ZNF423: variants seen among roughly 807,000 people sequenced by gnomAD.
ZNF423 encodes the protein zinc finger protein 423.
In ZNF423, 12 loss-of-function variants were observed where a neutral mutation model predicts 95.8. That is an observed-to-expected ratio of 0.13 (90% CI 0.08 to 0.20). The LOEUF is 0.20. ZNF423 is among the 10% of genes least tolerant of loss of function. The probability of loss-of-function intolerance (pLI) is 1.00; values close to 1 mark genes in which losing one functional copy is unlikely to be tolerated. For synonymous variants in ZNF423, 749 were observed against 711.9 expected, an observed-to-expected ratio of 1.05 and a Z score of -0.83; for missense variants, 1,316 against 1,737.1, an observed-to-expected ratio of 0.76 and a Z score of 4.31.
chr16:49,488,847 C>T lies in ZNF423; in HGVS notation c.*2428G>A, dbSNP rs1966879797. ...GGGCCTCAGGGTCCCCACTGCCAGC[C>T]CCCTCCCCACACAAAGTCACGAGGG... is the stretch of plus-strand genomic sequence containing the variant. On this transcript the variant is annotated 3_prime_UTR_variant, in exon 8 of 8. Coordinates refer to ENST00000563137, the MANE Select transcript of ZNF423 (RefSeq NM_001379286.1). The T allele has an allele frequency of 6.6e-6, 1 of 152,514 alleles. No homozygotes were observed. The highest frequency in any genetic ancestry group is 1.5e-5 in the Non-Finnish European group (1 of 68,304). The allele number at this position is 152,514 out of a possible 1,614,324, so 9.4% of individuals were successfully genotyped here.
intron 7 of ZNF423, among the ~76,000 whole-genome samples, chr16:49,510,669 T>C (rs1200587983): frequency 1.3e-5 from 2 of 152,204 alleles, no homozygotes; most frequent in African/African-American, 4.8e-5. Flanking sequence ...CAAGGCCCCA[T>C]GTCTTCCCGT....
intron 2 of ZNF423, among the ~76,000 whole-genome samples, chr16:49,761,025 C>T (rs983528163): frequency 1.9e-4 from 28 of 146,652 alleles, no homozygotes; most frequent in South Asian, 8.7e-4. Context: ...CACATGCACA[C>T]GTACACACAC....
chr16:49,493,062 C>T (rs992469804), intron 7 of ZNF423, among the ~76,000 whole-genome samples: 1 of 152,138 alleles, frequency 6.6e-6, no homozygotes, highest in African/African-American at 2.4e-5. Flanking sequence ...GGCAGGTTGT[C>T]TGAGGCCACA....
chr16:49,502,141 C>G (rs1967428815), intron 7 of ZNF423, among the ~76,000 whole-genome samples: 1 of 152,200 alleles, frequency 6.6e-6, no homozygotes, highest in South Asian at 2.1e-4. Flanking sequence ...GCCCTCGGGC[C>G]ACCAGCTTGA....
rs753471478 is a variant in ZNF423, at chr16:49,635,846, T to C, written c.3330A>G (p.Gly1110=). ...CAGCMARSAN[G]QVGGLAPPEP... is the part of the protein sequence containing the mutation. ...CGGGCGGGGCCAGGCCACCCACCTG[T>C]CCGTTGGCGCTGCGGGCCATGCAGC... Residue 1110 remains glycine (G), a synonymous_variant, in exon 4 of 8, where the codon GGA becomes GGG. Coordinates refer to ENST00000563137, the MANE Select transcript of ZNF423 (RefSeq NM_001379286.1). This position sits in a 1 kb window ranked among gnomAD's most constrained non-coding sequence, Gnocchi z 4.8. The C allele has an allele frequency of 1.8e-5, 29 of 1,600,248 alleles. No individual in the cohort carries two copies. The highest frequency in any genetic ancestry group is 1.1e-4 in the East Asian group (5 of 44,762).
Position 49,638,252 on chromosome 16 carries a change from G to A in ZNF423, c.924C>T (p.Cys308=). 1 of 1,612,090 alleles carries A rather than the reference G, an allele frequency of 6.2e-7. No homozygotes were observed. The highest frequency in any genetic ancestry group is 1.1e-5 in the South Asian group (1 of 91,080). ...SEKADLQCIH[C]PEVFVDENTL... is the part of the protein sequence containing the mutation. ...TGTTCTCGTCGACGAAGACCTCAGG[G>A]CAGTGAATGCACTGCAGGTCCGCCT... Residue 308 remains cysteine (C), a synonymous_variant, in exon 4 of 8, where the codon TGC becomes TGT. Coordinates refer to ENST00000563137, the MANE Select transcript of ZNF423 (RefSeq NM_001379286.1). The surrounding 1 kb of genome is among the most constrained non-coding windows in gnomAD (Gnocchi z 5.6).
chr16:49,585,517 A>G (rs1023605901), intron 5 of ZNF423, among the ~76,000 whole-genome samples: 6 of 152,172 alleles, frequency 3.9e-5, no homozygotes, highest in African/African-American at 1.4e-4. Context: ...AAATTTGTTC[A>G]TGTGTGAGAT....
At chr16:49,696,767 C>A (rs966196572) in intron 3 of ZNF423, among the ~76,000 whole-genome samples, 1 of 152,176 alleles carries the variant, frequency 6.6e-6, no homozygotes, top group South Asian at 2.1e-4. Flanking sequence ...GCAAGCCCCC[C>A]CCACCCAGGG....
chr16:49,744,041 C>A (rs531222153), intron 2 of ZNF423, among the ~76,000 whole-genome samples: 14 of 152,240 alleles, frequency 9.2e-5, no homozygotes, highest in African/African-American at 3.1e-4. Flanking sequence ...CCTCAGCCCA[C>A]CTCCAAGGAT....
At chr16:49,521,068 G>C (rs745756708) in intron 7 of ZNF423, among the ~76,000 whole-genome samples, 1 of 152,200 alleles carries the variant, frequency 6.6e-6, no homozygotes, top group Non-Finnish European at 1.5e-5. Context: ...CCCACAGCTC[G>C]AGATAGGTGG....
chr16:49,706,014 C>T (rs1211870368), intron 3 of ZNF423, among the ~76,000 whole-genome samples: 2 of 152,092 alleles, frequency 1.3e-5, no homozygotes, highest in African/African-American at 4.8e-5. Flanking sequence ...GATGGGATGG[C>T]TTTACAGGGA....
At chr16:49,590,001 G>A (rs954086386) in intron 5 of ZNF423, among the ~76,000 whole-genome samples, 2 of 131,032 alleles carry the variant, frequency 1.5e-5, no homozygotes, top group African/African-American at 5.7e-5. Context: ...GGGAGGTGGA[G>A]ATGGGATGGG....
intron 1 of ZNF423, among the ~76,000 whole-genome samples, chr16:49,850,332 A>T (rs1015487617): frequency 6.6e-6 from 1 of 152,158 alleles, no homozygotes; most frequent in African/African-American, 2.4e-5. Context: ...TTCTCTGATT[A>T]CCCGCTAACA....
At chr16:49,684,924 T>G (rs752653241) in intron 3 of ZNF423, among the ~76,000 whole-genome samples, 3 of 152,076 alleles carry the variant, frequency 2.0e-5, no homozygotes, top group Non-Finnish European at 4.4e-5. Context: ...TTCCACGCAA[T>G]CTAGACAGCG....
chr16:49,794,448 T>C (rs925932220), intron 1 of ZNF423, among the ~76,000 whole-genome samples: 3 of 152,142 alleles, frequency 2.0e-5, no homozygotes, highest in African/African-American at 7.2e-5. Flanking sequence ...CACAGGCATT[T>C]TGCACTCTTT....
At chr16:49,508,513 TAAAAAAAAA>T (rs35061120) in intron 7 of ZNF423, among the ~76,000 whole-genome samples, 33 of 101,860 alleles carry the variant, frequency 3.2e-4, no homozygotes, top group African/African-American at 6.9e-4. Flanking sequence ...TTCTCTTTCT[TAAAAAAAAA>T]AAAAAAAAAA....
intron 7 of ZNF423, among the ~76,000 whole-genome samples, chr16:49,519,780 T>G (rs183343940): frequency 6.6e-6 from 1 of 152,204 alleles, no homozygotes; most frequent in Non-Finnish European, 1.5e-5. Context: ...CCCATCATGA[T>G]GGAGATAAAA....
At chr16:49,714,256 A>C (rs2032635290) in intron 3 of ZNF423, among the ~76,000 whole-genome samples, 1 of 152,112 alleles carries the variant, frequency 6.6e-6, no homozygotes, top group Non-Finnish European at 1.5e-5. Context: ...CCCGGTGCTT[A>C]CCTCCTTATT....
intron 7 of ZNF423, among the ~76,000 whole-genome samples, chr16:49,504,557 G>C (rs1967555465): frequency 6.6e-6 from 1 of 152,188 alleles, no homozygotes; most frequent in Non-Finnish European, 1.5e-5. Context: ...ACTCCAGCCT[G>C]GGTGACAAAA....
Sources: gnomAD v4.1 joint callset for allele counts (sites outside exome capture counted in the v4.1 genomes callset) on GRCh38, gnomAD v4.1.1 for gene constraint, Gnocchi (gnomAD v3.1) non-coding constraint, MANE v1.5 for transcripts, NCBI Gene and HGNC (gene_info 2026-07-23, HGNC 2026-07-21) for gene names.